The following TMEM41B variants were observed in gnomAD, a reference collection of about 807,000 sequenced individuals.
The protein encoded by TMEM41B is protein stasimon.
A neutral mutation model predicts 31.9 loss-of-function variants in TMEM41B; 18 were observed. The ratio of observed to expected loss-of-function variants is 0.56; its 90% CI spans 0.39 to 0.84. TMEM41B has a LOEUF of 0.84. TMEM41B is among the 40% of genes least tolerant of loss of function. The pLI is 0.00. For missense variants in TMEM41B, 322 were observed against 348.0 expected, an observed-to-expected ratio of 0.93 and a Z score of 0.59; for synonymous variants, 144 against 124.3, an observed-to-expected ratio of 1.16 and a Z score of -1.05.
chr11:9,301,646 A>G (rs1171626767), intron 1 of TMEM41B, among the ~76,000 whole-genome samples: 5 of 151,848 alleles, frequency 3.3e-5, no homozygotes, highest in Non-Finnish European at 7.4e-5. Flanking sequence ...CTAACATTCT[A>G]CCCTCCCAAA....
intron 3 of TMEM41B, among the ~76,000 whole-genome samples, chr11:9,289,666 CCT>C (rs1590373694): frequency 6.6e-6 from 1 of 152,162 alleles, no homozygotes; most frequent in African/African-American, 2.4e-5. Context: ...CTCCTCGTTC[CCT>C]GTGACCTGCT....
chr11:9,313,495 T>C (rs1460674457), intron 1 of TMEM41B, among the ~76,000 whole-genome samples: 3 of 152,226 alleles, frequency 2.0e-5, no homozygotes, highest in Non-Finnish European at 2.9e-5. Context: ...AAGTATTTAG[T>C]TTCTACGTAC....
chr11:9,295,058 A>T (rs527893697), intron 3 of TMEM41B: 1 of 771,504 alleles, frequency 1.3e-6, no homozygotes, highest in African/African-American at 1.8e-5. Flanking sequence ...CTTCTAATAA[A>T]TATTCAGACA....
chr11:9,293,276 T>G (rs1179434227), intron 3 of TMEM41B, among the ~76,000 whole-genome samples: 1 of 152,140 alleles, frequency 6.6e-6, no homozygotes, highest in Non-Finnish European at 1.5e-5. Flanking sequence ...CTAATTTTTG[T>G]ATTTCTCGTA....
In TMEM41B at chr11:9,303,004, G is replaced by A. The variant is rs1030775790; in HGVS notation, c.122-3303C>T. 5.0e-5 allele frequency among the ~76,000 whole-genome samples: 5 copies of A among 99,296 alleles called. 2 individuals carry two copies. Among genetic ancestry groups the A allele is most frequent in the Non-Finnish European group, 6.5e-5 (3 of 46,276 alleles). 65.1% of individuals were successfully genotyped at this position (99,296 alleles called of 152,430 possible). ...TAAAAGGAACCAAATAATGTGAAGT[G>A]TATTTCCAAAGCATTTTGTTGTTGT... On this transcript the variant is annotated intron_variant, in intron 1 of 6. Transcript: ENST00000528080.
chr11:9,294,055 C>G (rs1853018591), intron 3 of TMEM41B, among the ~76,000 whole-genome samples: 1 of 151,252 alleles, frequency 6.6e-6, no homozygotes, highest in Non-Finnish European at 1.5e-5. Flanking sequence ...ACTGGGTGTG[C>G]CTGTGGTTCC....
chr11:9,294,355 T>G (rs1412778464), intron 3 of TMEM41B, among the ~76,000 whole-genome samples: 2 of 151,508 alleles, frequency 1.3e-5, no homozygotes, highest in African/African-American at 4.9e-5. Flanking sequence ...ATTAACCAAG[T>G]ATGGCGGCAG....
rs551790754 is a variant in TMEM41B at position 9,310,137 on chromosome 11, G to C, written c.121+4184C>G. On this transcript the variant is annotated intron_variant, in intron 1 of 6. Coordinates refer to ENST00000528080, the MANE Select transcript of TMEM41B (RefSeq NM_015012.4). Reference sequence around the variant, plus strand: ...TGCAAACTCCACCTCCTGGGTTCAAGTGATTCTCCTGCCTCAGCCTCCCAA... The same window carrying C: ...TGCAAACTCCACCTCCTGGGTTCAACTGATTCTCCTGCCTCAGCCTCCCAA... 1.9e-3 allele frequency among the ~76,000 whole-genome samples: 286 copies of C among 151,122 alleles called. 2 individuals carry two copies. Among genetic ancestry groups the C allele is most frequent in the African/African-American group, 6.6e-3 (274 of 41,208 alleles).
chr11:9,303,331 G>T (rs1293412976), intron 1 of TMEM41B, among the ~76,000 whole-genome samples: 1 of 152,062 alleles, frequency 6.6e-6, no homozygotes, highest in Non-Finnish European at 1.5e-5. Context: ...TAGAGATGGG[G>T]GTTTCACCAT....
chr11:9,301,510 C>T (rs1157083082), intron 1 of TMEM41B, among the ~76,000 whole-genome samples: 2 of 152,046 alleles, frequency 1.3e-5, no homozygotes, highest in Non-Finnish European at 2.9e-5. Context: ...TTTAGCAAAT[C>T]CTTCTTCATA....
intron 3 of TMEM41B, among the ~76,000 whole-genome samples, chr11:9,290,634 G>C (rs752096925): frequency 6.6e-6 from 1 of 152,146 alleles, no homozygotes; most frequent in African/African-American, 2.4e-5. Context: ...AGGAAATTGA[G>C]AGAAGCAGAA....
intron 1 of TMEM41B, among the ~76,000 whole-genome samples, chr11:9,312,400 C>T (rs76782883): frequency 0.079 from 12,080 of 152,208 alleles, 502 homozygotes; most frequent in South Asian, 0.1. Context: ...TTTGAGGGGG[C>T]TGAGGTGGGA....
chr11:9,286,768 G>A (rs905650542), intron 5 of TMEM41B, among the ~76,000 whole-genome samples, 175 bp from the exon 6 acceptor site: 122 of 152,364 alleles, frequency 8.0e-4, no homozygotes, highest in African/African-American at 2.8e-3. Context: ...GGGAGGCTGA[G>A]GCAGGCGGAT....
intron 1 of TMEM41B, among the ~76,000 whole-genome samples, chr11:9,307,687 C>T (rs1017481516): frequency 6.6e-6 from 1 of 152,144 alleles, no homozygotes; most frequent in African/African-American, 2.4e-5. Flanking sequence ...GGTGATCTGC[C>T]TGCCTCAGCC....
intron 2 of TMEM41B, among the ~76,000 whole-genome samples, chr11:9,299,343 C>CACACACACACACACGT (rs1441392303): frequency 1.4e-5 from 2 of 143,960 alleles, no homozygotes; most frequent in Non-Finnish European, 3.0e-5. Flanking sequence ...CACACACACA[C>CACACACACACACACGT]ACGTGTGTGT....
intron 3 of TMEM41B, among the ~76,000 whole-genome samples, chr11:9,291,110 T>A (rs1852948370): frequency 6.6e-6 from 1 of 151,420 alleles, no homozygotes; most frequent in African/African-American, 2.4e-5. Flanking sequence ...AGTGAGACTC[T>A]GTCTCAAAAA....
chr11:9,301,436 C>T (rs1853256947), intron 1 of TMEM41B, among the ~76,000 whole-genome samples: 1 of 152,196 alleles, frequency 6.6e-6, no homozygotes, highest in African/African-American at 2.4e-5. Flanking sequence ...TCAACTATTG[C>T]ACAGGTGGCT....
chr11:9,313,782 C>T (rs1301643596), intron 1 of TMEM41B, among the ~76,000 whole-genome samples: 1 of 152,024 alleles, frequency 6.6e-6, no homozygotes, highest in Non-Finnish European at 1.5e-5. Context: ...TATTATTATC[C>T]CCATTTCACA....
intron 4 of TMEM41B, 173 bp from the exon 5 acceptor site, chr11:9,287,979 C>G: frequency 1.7e-6 from 1 of 601,306 alleles, no homozygotes; most frequent in Non-Finnish European, 2.9e-6. Flanking sequence ...CAAAATGTAC[C>G]TCAAATGAGA....
Sources: gnomAD v4.1 joint callset for allele counts (sites outside exome capture counted in the v4.1 genomes callset) on GRCh38, gnomAD v4.1.1 for gene constraint, MANE v1.5 for transcripts, NCBI Gene and HGNC (gene_info 2026-07-23, HGNC 2026-07-21) for gene names.